WFS1: variants seen among roughly 807,000 people sequenced by gnomAD.
WFS1 encodes the protein wolframin ER transmembrane glycoprotein.
Under a neutral mutation model 68.5 loss-of-function variants are expected in WFS1, and 90 were observed. The observed-to-expected ratio is 1.31, with a 90% CI of 1.11 to 1.56. WFS1 has a LOEUF of 1.56. Among genes scored for constraint, WFS1 ranks in the 40% most tolerant of loss-of-function variants. The probability of loss-of-function intolerance (pLI) is 0.00; values close to 1 mark genes in which losing one functional copy is unlikely to be tolerated. For synonymous variants in WFS1, 860 were observed against 540.7 expected (o/e 1.59, Z -8.19); for missense variants, 1,767 against 1,232.6 (o/e 1.43, Z -6.49).
At chr4:6,274,048 T>C (rs1047726895) in intron 1 of WFS1, among the ~76,000 whole-genome samples, 5 of 95,072 alleles carry the variant, frequency 5.3e-5, no homozygotes, top group African/African-American at 7.2e-5. Context: ...TTTTCCTTTT[T>C]CTTTTTTCTT....
rs2230721 is a variant in WFS1, at chr4:6,302,117, G to A, written c.2322G>A (p.Lys774=). The change falls in exon 8 of 8, where the codon AAG becomes AAA. Residue 774 remains lysine (K), a synonymous_variant. Transcript: ENST00000226760. The part of the protein sequence containing the change: ...PCHIKKFDRY[K]FEITVGMPFS... ...ACATCAAGAAGTTCGACCGCTACAAGTTTGAGATTACCGTGGGCATGCCAT... is the reference window on the plus strand; with the variant it reads ...ACATCAAGAAGTTCGACCGCTACAAATTTGAGATTACCGTGGGCATGCCAT... The A allele has an allele frequency of 0.073, 118,347 of 1,612,924 alleles. 4,881 individuals are homozygous for A. The highest frequency in any genetic ancestry group is 0.12 in the Middle Eastern group (756 of 6,062).
At chr4:6,299,156 T>A (rs1730748968) in intron 7 of WFS1, among the ~76,000 whole-genome samples, 1 of 152,220 alleles carries the variant, frequency 6.6e-6, no homozygotes, top group South Asian at 2.1e-4. Context: ...CTGGCTGCCC[T>A]GTGTTCTGGC....
intron 7 of WFS1, among the ~76,000 whole-genome samples, 160 bp downstream of exon 7, chr4:6,295,349 C>T (rs561107983): frequency 6.6e-6 from 1 of 152,310 alleles, no homozygotes; most frequent in South Asian, 2.1e-4. Flanking sequence ...CATCTATCGT[C>T]ATAAGGATGT....
At position 6,301,663 on chromosome 4, in the gene WFS1, T is replaced by A. The variant is rs758746685; in HGVS notation, c.1868T>A (p.Met623Lys). The change falls in exon 8 of 8, where the codon ATG becomes AAG. Residue 623 changes from methionine to lysine, a missense_variant. Met to Lys is a moderately conservative substitution (Grantham distance 95). Coordinates refer to ENST00000226760, the MANE Select transcript of WFS1 (RefSeq NM_006005.3). ...WTKASFSVVG[M>K]VKSLTRSSMV... Reference sequence around the variant, plus strand: ...AAGGCCAGCTTCTCTGTGGTGGGGATGGTGAAGTCCCTGACGCGGAGCTCC... The same window carrying A: ...AAGGCCAGCTTCTCTGTGGTGGGGAAGGTGAAGTCCCTGACGCGGAGCTCC... 3 of 1,614,032 alleles carry A rather than the reference T, an allele frequency of 1.9e-6. No homozygotes were observed. The highest frequency in any genetic ancestry group is 2.5e-6 in the Non-Finnish European group (3 of 1,179,990).
At chr4:6,300,318 G>C (rs1435878420) in intron 7 of WFS1, among the ~76,000 whole-genome samples, 3 of 152,170 alleles carry the variant, frequency 2.0e-5, no homozygotes, top group Admixed American at 6.5e-5. Flanking sequence ...TGACCCTGAG[G>C]GGAGGGAAGT....
chr4:6,277,676 C>CAGACGGCAA lies in WFS1; in HGVS notation c.229_230insAAGACGGCA (p.Gly76_Thr77insLysAspGly). 6.4e-7 allele frequency: 1 copy of CAGACGGCAA among 1,560,486 alleles called. No individual in the cohort carries two copies. The highest frequency in any genetic ancestry group is 8.7e-7 in the Non-Finnish European group (1 of 1,152,996). ...CAGCATACCAGGAGCCGGGAAAGAGCAGACGGCACCGGTAAGGGAGCAGGC... is the reference window on the plus strand; with the variant it reads ...CAGCATACCAGGAGCCGGGAAAGAGCAGACGGCAAAGACGGCACCGGTAAGGGAGCAGGC... On this transcript the variant is annotated inframe_insertion, in exon 2 of 8. Coordinates refer to ENST00000226760, the MANE Select transcript of WFS1 (RefSeq NM_006005.3).
chr4:6,287,467 C>T lies in WFS1; in HGVS notation c.315+292C>T, dbSNP rs574596102. 1.3e-5 allele frequency among the ~76,000 whole-genome samples: 2 copies of T among 152,304 alleles called. No individual in the cohort carries two copies. The highest frequency in any genetic ancestry group is 4.8e-5 in the African/African-American group (2 of 41,574). ...ATGACCTCCTGGCTTCCTGCAGCTG[C>T]CTGCTCAGTGCCACCCCTCAACATA... On this transcript the variant is annotated intron_variant, in intron 3 of 7. Transcript: ENST00000226760. The surrounding 1 kb of genome is among the most constrained non-coding windows in gnomAD (Gnocchi z 6.4).
chr4:6,291,380 ACCCTGGGCACCAGCCTT>A lies in WFS1; in HGVS notation c.631+22_631+38del, dbSNP rs1374929299. 4 of 1,610,540 alleles carry A rather than the reference ACCCTGGGCACCAGCCTT, an allele frequency of 2.5e-6. No homozygotes were observed. Among genetic ancestry groups the A allele is most frequent in the East Asian group, 2.2e-5 (1 of 44,854 alleles). Reference sequence around the variant, plus strand: ...GTCAACGAGCACGGTGCGAGGATTCACCCTGGGCACCAGCCTTCCCTGGGCGCCAGCCTTCCCACAGG... The same window carrying A: ...GTCAACGAGCACGGTGCGAGGATTCACCCTGGGCGCCAGCCTTCCCACAGG... On this transcript the variant is annotated intron_variant, in intron 5 of 7. Coordinates refer to ENST00000226760, the MANE Select transcript of WFS1 (RefSeq NM_006005.3).
At chr4:6,284,671 T>C (rs933362167) in intron 2 of WFS1, among the ~76,000 whole-genome samples, 3 of 151,678 alleles carry the variant, frequency 2.0e-5, no homozygotes, top group African/African-American at 7.3e-5. Context: ...AGAGAAAGCC[T>C]CCTCTTGTGA....
rs375408391 is a variant in WFS1 at position 6,301,913 on chromosome 4, C to T, written c.2118C>T (p.Tyr706=). 57 of 1,612,882 alleles carry T rather than the reference C, an allele frequency of 3.5e-5. No homozygotes were observed. The highest frequency in any genetic ancestry group is 4.1e-5 in the Non-Finnish European group (48 of 1,179,932). The change falls in exon 8 of 8, where the codon TAC becomes TAT. Residue 706 remains tyrosine, a synonymous_variant. Coordinates refer to ENST00000226760, the MANE Select transcript of WFS1 (RefSeq NM_006005.3). ...HRVTWTGRFK[Y]VRVTDIDNSA... ...TCACGTGGACCGGCCGCTTCAAGTA[C>T]GTCCGCGTGACTGACATCGACAACA...
chr4:6,280,812 C>A (rs1485397693), intron 2 of WFS1, among the ~76,000 whole-genome samples: 1 of 151,836 alleles, frequency 6.6e-6, no homozygotes, highest in African/African-American at 2.4e-5. Context: ...CTGTCATTCA[C>A]GGGTCTACCA....
chr4:6,274,299 G>A (rs1170201153), intron 1 of WFS1, among the ~76,000 whole-genome samples: 1 of 151,656 alleles, frequency 6.6e-6, no homozygotes, highest in South Asian at 2.1e-4. Flanking sequence ...TGCCCGCCTC[G>A]GCCTCCCAAA....
At chr4:6,277,750 G>C (rs1730042508) in intron 2 of WFS1, 63 bp downstream of exon 2, 2 of 1,532,816 alleles carry the variant, frequency 1.3e-6, no homozygotes, top group African/African-American at 1.4e-5. Context: ...TGGGAACGGG[G>C]TTCAGCCACC....
intron 7 of WFS1, among the ~76,000 whole-genome samples, 196 bp downstream of exon 7, chr4:6,295,385 TC>T (rs1216754204): frequency 7.2e-5 from 11 of 152,128 alleles, no homozygotes; most frequent in African/African-American, 2.7e-4. Flanking sequence ...GCCTTTCTTT[TC>T]TGCGCCGTCA....
At chr4:6,272,866 A>G (rs1335612769) in intron 1 of WFS1, among the ~76,000 whole-genome samples, 1 of 152,154 alleles carries the variant, frequency 6.6e-6, no homozygotes, top group African/African-American at 2.4e-5. Context: ...TCCTTGTCTC[A>G]AAACGTTCAT....
intron 4 of WFS1, 75 bp from the exon 5 acceptor site, chr4:6,291,120 CAG>C (rs1228368002): frequency 3.9e-6 from 6 of 1,532,788 alleles, no homozygotes; most frequent in Non-Finnish European, 4.5e-6. Flanking sequence ...GCCTTCCAGG[CAG>C]AGTTGGCAGG....
In WFS1 at chr4:6,301,342, TC is replaced by T. The variant is rs2109126109; in HGVS notation, c.1549del (p.Arg517AlafsTer5). 21 of 1,612,176 alleles carry T rather than the reference TC, an allele frequency of 1.3e-5. No individual in the cohort carries two copies. Among genetic ancestry groups the T allele is most frequent in the Non-Finnish European group, 1.8e-5 (21 of 1,180,008 alleles). ...TATGTCTACCTGCTCTATCTCTTCT[TC>T]CGCATGGCACAGCTGAGGAATTTCA... ...LLYVYLLYLFFRMAQLRNFKG... is the reference protein window; with the variant it reads ...LLYVYLLYLFXRMAQLRNFKG... On this transcript the variant is annotated frameshift_variant, in exon 8 of 8. Transcript: ENST00000226760. LOFTEE classifies it high-confidence loss of function.
Position 6,301,064 on chromosome 4 carries a change from C to G in WFS1, c.1269C>G (p.Ser423Arg), listed in dbSNP as rs375389192. 1 of 1,614,188 alleles carries G rather than the reference C, an allele frequency of 6.2e-7. No homozygotes were observed. The highest frequency in any genetic ancestry group is 8.5e-7 in the Non-Finnish European group (1 of 1,180,040). The change falls in exon 8 of 8, where the codon AGC (serine) becomes AGG (arginine). Residue 423 changes from serine (S) to arginine (R), a missense_variant. Ser to Arg is a moderately radical substitution (Grantham distance 110). Coordinates refer to ENST00000226760, the MANE Select transcript of WFS1 (RefSeq NM_006005.3). ...TCATCTTCTCCTTCCCCATCGCCAG[C>G]AAGGACTGCATCCCCTGCTCGGAGC... is the stretch of plus-strand genomic sequence containing the variant. ...FFVIFSFPIA[S>R]KDCIPCSELA...
intron 1 of WFS1, among the ~76,000 whole-genome samples, chr4:6,276,073 C>T (rs1181502086): frequency 6.6e-6 from 1 of 152,198 alleles, no homozygotes; most frequent in South Asian, 2.1e-4. Context: ...GAGCGAGACT[C>T]TCTGTTACCA....
Sources: gnomAD v4.1 joint callset for allele counts (sites outside exome capture counted in the v4.1 genomes callset) on GRCh38, gnomAD v4.1.1 for gene constraint, Gnocchi (gnomAD v3.1) non-coding constraint, MANE v1.5 for transcripts, NCBI Gene and HGNC (gene_info 2026-07-23, HGNC 2026-07-21) for gene names.